Variants in PCDHGB2 observed in about 807,000 individuals in gnomAD.
The protein encoded by PCDHGB2 is protocadherin gamma-B2.
Under a neutral mutation model 59.3 loss-of-function variants are expected in PCDHGB2, and 55 were observed. The ratio of observed to expected loss-of-function variants is 0.93; its 90% confidence interval spans 0.75 to 1.16. PCDHGB2 has a LOEUF of 1.16. PCDHGB2 is among the 50% of genes most tolerant of loss of function. The pLI, the probability that PCDHGB2 is intolerant of heterozygous loss-of-function variation, is 0.00. For missense variants in PCDHGB2, 1,228 were observed against 1,198.5 expected (o/e 1.02, Z -0.36); for synonymous variants, 516 against 512.0 (o/e 1.01, Z -0.11).
chr5:141,488,565 C>A (rs1308485284), intron 1 of PCDHGB2, among the ~76,000 whole-genome samples: 1 of 152,174 alleles, frequency 6.6e-6, no homozygotes, highest in Non-Finnish European at 1.5e-5. Flanking sequence ...GAGATTTCCG[C>A]AAAGCATTGC....
chr5:141,366,938 A>G (rs1177560870), intron 1 of PCDHGB2: 1 of 843,674 alleles, frequency 1.2e-6, no homozygotes, highest in Non-Finnish European at 1.8e-6. Flanking sequence ...TGGGAAGTCT[A>G]GCTGATATCT....
In PCDHGB2 at chr5:141,423,089, G is replaced by C. The variant is rs201821221; in HGVS notation, c.2421+60533G>C. The stretch of plus-strand genomic sequence containing the variant: ...AGCGAGCCGGGACTCTTCGCGGTGG[G>C]GGAGCACACGGGCGAGGTGCGTACA... On this transcript the variant is annotated intron_variant, in intron 1 of 3. Transcript: ENST00000522605. 4.0e-5 allele frequency: 65 copies of C among 1,614,016 alleles called. No individual in the cohort carries two copies. In the African/African-American group the frequency reaches 7.2e-4, roughly 18 times the overall value.
chr5:141,389,152 C>T (rs1176301501), intron 1 of PCDHGB2: 2 of 1,614,022 alleles, frequency 1.2e-6, no homozygotes, highest in South Asian at 2.2e-5. Flanking sequence ...GTTACGGCAA[C>T]AGATCGGGGC....
chr5:141,489,088 G>GCCAA lies in PCDHGB2; in HGVS notation c.2422-5719_2422-5718insCCAA. The GCCAA allele has an allele frequency of 2.9e-6, 1 of 347,240 alleles. No individual in the cohort carries two copies. Among genetic ancestry groups the GCCAA allele is most frequent in the Non-Finnish European group, 5.0e-6 (1 of 200,708 alleles). The allele number at this position is 347,240 out of a possible 1,614,324, so 21.5% of individuals were successfully genotyped here. A position where few individuals can be genotyped will look rare whatever the true frequency, so the allele number is the denominator to read the frequency against. ...CCCCTGCCCACCCCCGCCACTCGGT[G>GCCAA]ACTAAGAACTGCTGCAAGCAGGCAA... On this transcript the variant is annotated intron_variant, in intron 1 of 3. Transcript: ENST00000522605. This position sits in a 1 kb window ranked among gnomAD's most constrained non-coding sequence, Gnocchi z 4.5.
At position 141,485,305 on chromosome 5, in the gene PCDHGB2, T is replaced by C. The variant is rs1344645695; in HGVS notation, c.2422-9502T>C. The C allele has an allele frequency of 3.7e-6, 6 of 1,614,000 alleles. No individual in the cohort carries two copies. In the East Asian group the frequency reaches 1.3e-4, roughly 36 times the overall value. Reference sequence around the variant, plus strand: ...CAGAGGAGTCACAGGAAGGGACTTTTGTAGGGAATGTCGCTCAAGATTTCC... The same window carrying C: ...CAGAGGAGTCACAGGAAGGGACTTTCGTAGGGAATGTCGCTCAAGATTTCC... On this transcript the variant is annotated intron_variant, in intron 1 of 3. Coordinates refer to ENST00000522605, the MANE Select transcript of PCDHGB2 (RefSeq NM_018923.3). This position sits in a 1 kb window ranked among gnomAD's most constrained non-coding sequence, Gnocchi z 5.7.
chr5:141,407,798 A>T (rs2094982737), intron 1 of PCDHGB2, among the ~76,000 whole-genome samples: 1 of 152,256 alleles, frequency 6.6e-6, no homozygotes, highest in Non-Finnish European at 1.5e-5. Context: ...AACACAAAGC[A>T]TAGAAATATC....
In PCDHGB2 at chr5:141,415,645, A is replaced by T. The variant is rs200555070; in HGVS notation, c.2421+53089A>T. On this transcript the variant is annotated intron_variant, in intron 1 of 3. Transcript: ENST00000522605. The stretch of plus-strand genomic sequence containing the variant: ...TATTTTCATTTTTACTTTTGTTAAA[A>T]AAAAAAAGATTGGTTTTTACTTTGA... The T allele has an allele frequency of 3.5e-3, 5,682 of 1,600,720 alleles. 22 individuals carry two copies. The highest frequency in any genetic ancestry group is 5.0e-3 in the Middle Eastern group (30 of 6,044).
intron 1 of PCDHGB2, among the ~76,000 whole-genome samples, chr5:141,449,588 C>CA (rs768743917): frequency 0.036 from 2,064 of 56,756 alleles, 20 homozygotes; most frequent in Middle Eastern, 0.06. Context: ...GACTCTGTCT[C>CA]AAAAAAAAAA....
intron 1 of PCDHGB2, among the ~76,000 whole-genome samples, chr5:141,448,516 A>T (rs1210489939): frequency 3.9e-5 from 6 of 152,152 alleles, no homozygotes; most frequent in Non-Finnish European, 8.8e-5. Flanking sequence ...TTATAACTTT[A>T]TTAAGCATCC....
chr5:141,415,269 G>T, intron 1 of PCDHGB2: 1 of 1,614,228 alleles, frequency 6.2e-7, no homozygotes, highest in African/African-American at 1.3e-5. Flanking sequence ...TGTACCTGGT[G>T]GTAGCGGTGG....
intron 1 of PCDHGB2, chr5:141,390,095 T>TC: frequency 6.2e-7 from 1 of 1,613,972 alleles, no homozygotes; most frequent in South Asian, 1.1e-5. Flanking sequence ...AATCCGTGGT[T>TC]CCCCCCAACT....
intron 1 of PCDHGB2, among the ~76,000 whole-genome samples, chr5:141,464,077 C>T (rs891173261): frequency 1.3e-5 from 2 of 151,950 alleles, no homozygotes; most frequent in African/African-American, 4.8e-5. Context: ...CCAGCCTGGC[C>T]AACATGGTGA....
At chr5:141,425,827 T>C (rs2096896512) in intron 1 of PCDHGB2, among the ~76,000 whole-genome samples, 1 of 152,226 alleles carries the variant, frequency 6.6e-6, no homozygotes, top group South Asian at 2.1e-4. Context: ...AAACAAACTT[T>C]TAAATTCTCT....
Position 141,361,035 on chromosome 5 carries a change from A to C in PCDHGB2, c.900A>C (p.Glu300Asp). Reference sequence around the variant, plus strand: ...TCAACTTAAATGAAAAAACAGGAGAAATCACGACAAAGGATGATTTGGATT... The same window carrying C: ...TCAACTTAAATGAAAAAACAGGAGACATCACGACAAAGGATGATTTGGATT... The part of the protein sequence containing the change: ...HFFNLNEKTG[E>D]ITTKDDLDFE... The change falls in exon 1 of 4, where the codon GAA becomes GAC. Residue 300 changes from glutamate (E) to aspartate (D), a missense_variant. Physicochemically the swap from Glu to Asp is conservative, Grantham distance 45 (BLOSUM62 2). Transcript: ENST00000522605. 6.2e-7 allele frequency: 1 copy of C among 1,613,478 alleles called. No individual in the cohort carries two copies. Among genetic ancestry groups the C allele is most frequent in the Non-Finnish European group, 8.5e-7 (1 of 1,179,598 alleles).
chr5:141,366,518 A>G lies in PCDHGB2; in HGVS notation c.2421+3962A>G, dbSNP rs202129179. On this transcript the variant is annotated intron_variant, in intron 1 of 3. Coordinates refer to ENST00000522605, the MANE Select transcript of PCDHGB2 (RefSeq NM_018923.3). ...GTCACGCCTGCTTCAGGCTGAAGGC[A>G]GCAGGTTGGCGGGTGTGCCCGCCTC... 2.2e-4 allele frequency: 362 copies of G among 1,614,126 alleles called. 1 individual carries two copies. Among genetic ancestry groups the G allele is most frequent in the Non-Finnish European group, 2.9e-4 (339 of 1,180,048 alleles).
At chr5:141,409,896 C>A (rs1181128940) in intron 1 of PCDHGB2, 1 of 1,613,240 alleles carries the variant, frequency 6.2e-7, no homozygotes, top group African/African-American at 1.3e-5. Context: ...GTGCTGTACC[C>A]AGCTCTGGGT....
intron 1 of PCDHGB2, among the ~76,000 whole-genome samples, chr5:141,456,297 A>G (rs537379475): frequency 6.6e-6 from 1 of 152,274 alleles, no homozygotes; most frequent in African/African-American, 2.4e-5. Context: ...CGTCTAATGG[A>G]GAACAGCAGC....
rs1289513674 is a variant in PCDHGB2 at position 141,432,063 on chromosome 5, A to T, written c.2422-62744A>T. On this transcript the variant is annotated intron_variant, in intron 1 of 3. Coordinates refer to ENST00000522605, the MANE Select transcript of PCDHGB2 (RefSeq NM_018923.3). The surrounding 1 kb of genome is among the most constrained non-coding windows in gnomAD (Gnocchi z 6.0). ...CGGGGAACCCCGCCCCTATCCACGG[A>T]AACTCATATCTCGCTGAACGTGGCA... The T allele has an allele frequency of 8.7e-6, 14 of 1,614,134 alleles. No individual in the cohort carries two copies. The highest frequency in any genetic ancestry group is 1.2e-5 in the Non-Finnish European group (14 of 1,180,028).
intron 1 of PCDHGB2, among the ~76,000 whole-genome samples, chr5:141,483,525 A>G (rs1442825090): frequency 1.3e-5 from 2 of 152,126 alleles, no homozygotes; most frequent in African/African-American, 4.8e-5. Context: ...ATCCTGACTA[A>G]GGAAGCTGGG....
Sources: allele counts gnomAD v4.1 joint callset (sites outside exome capture counted in the v4.1 genomes callset), GRCh38; gene constraint gnomAD v4.1.1; non-coding constraint Gnocchi (gnomAD v3.1); transcripts MANE v1.5; gene names NCBI Gene and HGNC (gene_info 2026-07-23, HGNC 2026-07-21).